Variants in RPS6KA2 observed in about 807,000 individuals in gnomAD.
The protein encoded by RPS6KA2 is ribosomal protein S6 kinase alpha-2.
RPS6KA2 carries 42 observed loss-of-function variants against 91.8 expected under a neutral mutation model. That is an observed-to-expected ratio of 0.46 (90% CI 0.36 to 0.59). The LOEUF (loss-of-function observed/expected upper bound fraction) is 0.59, where lower values mean the gene tolerates loss of function less well. Ranked by LOEUF, RPS6KA2 falls within the 20% of genes least tolerant of loss-of-function variation. The pLI is 0.00. For missense variants in RPS6KA2, 798 were observed against 978.5 expected (o/e 0.82, Z 2.46); for synonymous variants, 414 against 393.6 (o/e 1.05, Z -0.61).
At chr6:166,468,874 G>C (rs1280787072) in intron 11 of RPS6KA2, among the ~76,000 whole-genome samples, 3 of 125,026 alleles carry the variant, frequency 2.4e-5, no homozygotes, top group Non-Finnish European at 5.0e-5. Flanking sequence ...AAAAAAAAAA[G>C]AAGACAGAGA....
chr6:166,554,613 TG>T lies in RPS6KA2; in HGVS notation c.100-15830del, dbSNP rs989711135. ...CTCGCGGCTGGCACGCGGGTGGCCA[TG>T]GGGGGGTGGGGGTCCCACTCCAGCA... is the stretch of plus-strand genomic sequence containing the variant. On this transcript the variant is annotated intron_variant, in intron 1 of 20. Coordinates refer to ENST00000265678, the MANE Select transcript of RPS6KA2 (RefSeq NM_021135.6). This position sits in a 1 kb window ranked among gnomAD's most constrained non-coding sequence, Gnocchi z 4.3. Among the ~76,000 whole-genome samples, 4 of 151,992 alleles carry T rather than the reference TG, an allele frequency of 2.6e-5. No individual in the cohort carries two copies. The highest frequency in any genetic ancestry group is 4.4e-5 in the Non-Finnish European group (3 of 67,994).
intron 2 of RPS6KA2, chr6:166,757,586 C>A (rs1174374485): frequency 2.2e-6 from 1 of 456,182 alleles, no homozygotes; most frequent in Non-Finnish European, 4.4e-6. Flanking sequence ...ATGATGCACT[C>A]CCCAGGTCCC....
intron 3 of RPS6KA2, among the ~76,000 whole-genome samples, chr6:166,516,981 A>G (rs931845787): frequency 1.3e-5 from 2 of 152,252 alleles, no homozygotes; most frequent in African/African-American, 4.8e-5. Flanking sequence ...TGGAATGAAG[A>G]ACATTGTTTA....
At chr6:166,859,825 T>C (rs1220172267) in intron 1 of RPS6KA2, among the ~76,000 whole-genome samples, 5 of 152,178 alleles carry the variant, frequency 3.3e-5, no homozygotes, top group Non-Finnish European at 7.3e-5. Context: ...TCCCTGGAAA[T>C]CCAATCATCA....
intron 2 of RPS6KA2, among the ~76,000 whole-genome samples, chr6:166,777,345 G>C (rs1196363159): frequency 6.6e-6 from 1 of 152,226 alleles, no homozygotes; most frequent in African/African-American, 2.4e-5. Context: ...TAATGTGACA[G>C]CTGGTCTGGT....
chr6:166,558,327 C>T (rs568427435), intron 1 of RPS6KA2, among the ~76,000 whole-genome samples: 2 of 152,292 alleles, frequency 1.3e-5, no homozygotes, highest in South Asian at 4.2e-4. Flanking sequence ...CGTCCCTCTT[C>T]CTTGGGACAG....
Position 166,459,218 on chromosome 6 carries a change from C to A in RPS6KA2, c.1075+231G>T, listed in dbSNP as rs1008600203. On this transcript the variant is annotated intron_variant, in intron 12 of 20. Transcript: ENST00000265678. This position sits in a 1 kb window ranked among gnomAD's most constrained non-coding sequence, Gnocchi z 4.9. ...GGACCGGTGTCTTGGAATAAGGATA[C>A]CTTCATCATTTCCAAGGTGGAGGTT... 6.6e-6 allele frequency among the ~76,000 whole-genome samples: 1 copy of A among 152,092 alleles called. No individual in the cohort carries two copies. Among genetic ancestry groups the A allele is most frequent in the East Asian group, 1.9e-4 (1 of 5,194 alleles).
chr6:166,767,638 C>G lies in RPS6KA2; in HGVS notation c.123+90562G>C, dbSNP rs185313909. On this transcript the variant is annotated intron_variant, in intron 2 of 21. Coordinates refer to the RPS6KA2 transcript ENST00000503859. The surrounding 1 kb of genome is among the most constrained non-coding windows in gnomAD (Gnocchi z 4.6). ...TCCACAATGTTCCAGGCTTAGCCCC[C>G]GCACTGCAGCTCCCTAAGTTGCTTT... Among the ~76,000 whole-genome samples the G allele has an allele frequency of 4.6e-5, 7 of 152,196 alleles. No homozygotes were observed. The highest frequency in any genetic ancestry group is 1.7e-4 in the African/African-American group (7 of 41,446).
intron 2 of RPS6KA2, among the ~76,000 whole-genome samples, chr6:166,769,548 AC>A (rs1160339921): frequency 6.6e-6 from 1 of 152,166 alleles, no homozygotes; most frequent in African/African-American, 2.4e-5. Flanking sequence ...CTGTGTGCCC[AC>A]CCCTCACCTT....
At position 166,419,890 on chromosome 6, in the gene RPS6KA2, C is replaced by T; in HGVS notation, c.1812G>A (p.Met604Ile). 1 of 1,613,794 alleles carries T rather than the reference C, an allele frequency of 6.2e-7. No homozygotes were observed. The highest frequency in any genetic ancestry group is 8.5e-7 in the Non-Finnish European group (1 of 1,179,744). Residue 604 changes from methionine (M) to isoleucine (I), a missense_variant, in exon 18 of 21, where the codon ATG (methionine) becomes ATA (isoleucine). Transcript: ENST00000265678. The surrounding 1 kb of genome is among the most constrained non-coding windows in gnomAD (Gnocchi z 5.6). ...TTGAGGTGACTGCTTACCCTGCCAG[C>T]ATGGTGTACAACAGGATCCCCAAAC... The part of the protein sequence containing the change: ...IWSLGILLYT[M>I]LAGFTPFANG...
rs571079109 is a variant in RPS6KA2, at chr6:166,597,088, C to G, written c.99+29833G>C. On this transcript the variant is annotated intron_variant, in intron 1 of 20. Coordinates refer to ENST00000265678, the MANE Select transcript of RPS6KA2 (RefSeq NM_021135.6). ...GGGCCACAGATGCTGAGAACCAGCC[C>G]ATGGTGTTCACCCACGAAAACGAGA... Among the ~76,000 whole-genome samples the G allele has an allele frequency of 3.9e-5, 6 of 152,262 alleles. No homozygotes were observed. In the South Asian group the frequency reaches 1.0e-3, roughly 26 times the overall value.
intron 2 of RPS6KA2, among the ~76,000 whole-genome samples, chr6:166,765,186 G>T (rs937148858): frequency 1.3e-5 from 2 of 152,230 alleles, no homozygotes; most frequent in African/African-American, 4.8e-5. Flanking sequence ...AGCCAGCATG[G>T]GTAGTGTGTG....
intron 10 of RPS6KA2, among the ~76,000 whole-genome samples, chr6:166,471,079 T>C (rs1022381421): frequency 2.0e-5 from 3 of 152,188 alleles, no homozygotes; most frequent in East Asian, 1.9e-4. Context: ...GCTGTGTTCC[T>C]TTCCGCTGCC....
At chr6:166,689,763 T>C (rs75200831) in intron 2 of RPS6KA2, among the ~76,000 whole-genome samples, 17,489 of 152,266 alleles carry the variant, frequency 0.11, 1,110 homozygotes, top group Non-Finnish European at 0.14. Context: ...ACCATCCAAC[T>C]GTAGCTGAGT....
intron 2 of RPS6KA2, among the ~76,000 whole-genome samples, chr6:166,670,293 G>A (rs891415318): frequency 5.9e-5 from 9 of 152,220 alleles, no homozygotes; most frequent in Admixed American, 1.3e-4. Flanking sequence ...TGCAACACGC[G>A]CATGAGTGAA....
At chr6:166,701,993 A>C (rs1338787614) in intron 2 of RPS6KA2, 3 of 1,005,822 alleles carry the variant, frequency 3.0e-6, no homozygotes, top group African/African-American at 1.6e-5. Context: ...TAAAATCTTC[A>C]AGGGGATCTC....
chr6:166,634,175 C>T (rs576851455), intron 2 of RPS6KA2, among the ~76,000 whole-genome samples: 1 of 152,330 alleles, frequency 6.6e-6, no homozygotes, highest in South Asian at 2.1e-4. Context: ...GCAGGGTGCA[C>T]AGCAGAGGAA....
chr6:166,858,692 A>G (rs1780973652), intron 1 of RPS6KA2, among the ~76,000 whole-genome samples: 1 of 152,260 alleles, frequency 6.6e-6, no homozygotes, highest in South Asian at 2.1e-4. Context: ...ACCAAATCAC[A>G]GTCCCAAGTG....
intron 2 of RPS6KA2, among the ~76,000 whole-genome samples, chr6:166,812,389 T>C (rs1779659881): frequency 6.6e-6 from 1 of 152,154 alleles, no homozygotes; most frequent in African/African-American, 2.4e-5. Flanking sequence ...GGCTCCCAGA[T>C]GTTGGCAGCT....
Sources: allele counts gnomAD v4.1 joint callset (sites outside exome capture counted in the v4.1 genomes callset), GRCh38; gene constraint gnomAD v4.1.1; non-coding constraint Gnocchi (gnomAD v3.1); transcripts MANE v1.5; gene names NCBI Gene and HGNC (gene_info 2026-07-23, HGNC 2026-07-21).